ADGRG3: variants seen among roughly 807,000 people sequenced by gnomAD.
ADGRG3 encodes the protein G protein-coupled receptor 97.
A neutral mutation model predicts 54.3 loss-of-function variants in ADGRG3; 39 were observed. That is an observed-to-expected ratio of 0.72 (90% CI 0.56 to 0.94). The LOEUF is 0.94. ADGRG3 is among the 40% of genes least tolerant of loss of function. ADGRG3 has a pLI of 0.00. For missense variants in ADGRG3, 654 were observed against 694.6 expected (o/e 0.94, Z 0.66); for synonymous variants, 312 against 290.0 (o/e 1.08, Z -0.77).
At position 57,676,311 on chromosome 16, in the gene ADGRG3, C is replaced by T. The variant is rs1408760048; in HGVS notation, c.318C>T (p.Asp106=). Residue 106 remains aspartate (D), a synonymous_variant, in exon 3 of 12, where the codon GAC becomes GAT. Coordinates refer to ENST00000333493, the MANE Select transcript of ADGRG3 (RefSeq NM_170776.5). ...VQNLSTNTAE[D]FYFSLEPSQV... The stretch of plus-strand genomic sequence containing the variant: ...ACCTCAGCACCAACACTGCAGAAGA[C>T]TTCTATTTCTCTCTGGAGCCCTCTC... 6.2e-7 allele frequency: 1 copy of T among 1,614,206 alleles called. No individual in the cohort carries two copies. Among genetic ancestry groups the T allele is most frequent in the Non-Finnish European group, 8.5e-7 (1 of 1,180,012 alleles).
In ADGRG3 at chr16:57,680,284, T is replaced by C; in HGVS notation, c.687T>C (p.Ser229=). 6.2e-7 allele frequency: 1 copy of C among 1,608,916 alleles called. No individual in the cohort carries two copies. The highest frequency in any genetic ancestry group is 8.5e-7 in the Non-Finnish European group (1 of 1,177,804). The change falls in exon 7 of 12, where the codon TCT becomes TCC. Residue 229 remains serine (S), a synonymous_variant. Coordinates refer to ENST00000333493, the MANE Select transcript of ADGRG3 (RefSeq NM_170776.5). ...CTCCAGGGACCACTGGAGACTGGTC[T>C]TCTGAGGGCTGCTCCACGGAGGTCA... is the stretch of plus-strand genomic sequence containing the variant. The part of the protein sequence containing the change: ...DVTKGTTGDW[S]SEGCSTEVRP...
chr16:57,674,995 C>CAAAA (rs34536208), intron 2 of ADGRG3, among the ~76,000 whole-genome samples: 2,987 of 48,834 alleles, frequency 0.061, 293 homozygotes, highest in East Asian at 0.18. Flanking sequence ...GACTCCATCT[C>CAAAA]AAAAAAAAAA....
At chr16:57,680,100 T>C (rs986286442) in intron 6 of ADGRG3, among the ~76,000 whole-genome samples, 165 bp from the exon 7 acceptor site, 4 of 66,526 alleles carry the variant, frequency 6.0e-5, no homozygotes. Flanking sequence ...CCCTCCCCTC[T>C]CCTCTCCTCC....
At position 57,671,752 on chromosome 16, in the gene ADGRG3, G is replaced by A. The variant is rs1441251660; in HGVS notation, c.59-1569G>A. ...TGCACACTCAAGAATTCTTATGGCA[G>A]ATTGTGAAAAACAATGTCCACCAAG... On this transcript the variant is annotated intron_variant, in intron 1 of 11. Coordinates refer to ENST00000333493, the MANE Select transcript of ADGRG3 (RefSeq NM_170776.5). Among the ~76,000 whole-genome samples the A allele has an allele frequency of 2.0e-5, 3 of 152,194 alleles. No homozygotes were observed. The East Asian group carries it at 5.8e-4, about 29-fold the overall frequency.
rs372084138 is a variant in ADGRG3, at chr16:57,679,804, C to G, written c.628-12C>G. 20 of 1,611,450 alleles carry G rather than the reference C, an allele frequency of 1.2e-5. No individual in the cohort carries two copies. The African/African-American group carries it at 2.7e-4, about 22-fold the overall frequency. On this transcript the variant is annotated splice_polypyrimidine_tract_variant and intron_variant, in intron 5 of 11. Coordinates refer to ENST00000333493, the MANE Select transcript of ADGRG3 (RefSeq NM_170776.5). The stretch of plus-strand genomic sequence containing the variant: ...CTTTTCCTCTCTCCTGACTTCCACT[C>G]TTCGGTTTCAGAACATGACCCTCAC...
chr16:57,673,582 C>G (rs1022223098), intron 2 of ADGRG3, 114 bp downstream of exon 2: 3 of 976,436 alleles, frequency 3.1e-6, no homozygotes, highest in Non-Finnish European at 4.5e-6. Flanking sequence ...TCCCATCTGA[C>G]TCTTCCACCT....
chr16:57,670,299 T>C (rs2048130512), intron 1 of ADGRG3, among the ~76,000 whole-genome samples: 1 of 152,152 alleles, frequency 6.6e-6, no homozygotes, highest in African/African-American at 2.4e-5. Flanking sequence ...CTTCAAAGAA[T>C]AAACACAGAA....
In ADGRG3 at chr16:57,673,379, C is replaced by T. The variant is rs370479381; in HGVS notation, c.117C>T (p.Tyr39=). ...RNTCLGSNNM[Y]DIFNLNDKAL... Reference sequence around the variant, plus strand: ...CCTGCCTGGGGAGCAACAACATGTACGACATCTTCAACTTGAATGACAAGG... The same window carrying T: ...CCTGCCTGGGGAGCAACAACATGTATGACATCTTCAACTTGAATGACAAGG... Residue 39 remains tyrosine, a synonymous_variant, in exon 2 of 12, where the codon TAC becomes TAT. Coordinates refer to ENST00000333493, the MANE Select transcript of ADGRG3 (RefSeq NM_170776.5). The T allele has an allele frequency of 1.4e-5, 22 of 1,613,780 alleles. No individual in the cohort carries two copies. The highest frequency in any genetic ancestry group is 8.3e-5 in the Admixed American group (5 of 59,990).
Position 57,688,572 on chromosome 16 carries a change from G to A in ADGRG3, c.*111G>A, listed in dbSNP as rs1449143794. ...TTTCCTTCTCTGTACAATGTGGCTG[G>A]GGAGGGAGAGGATGGGACCAGGTTG... On this transcript the variant is annotated 3_prime_UTR_variant, in exon 12 of 12. Transcript: ENST00000333493. 2.7e-5 allele frequency: 20 copies of A among 745,732 alleles called. No individual in the cohort carries two copies. The highest frequency in any genetic ancestry group is 5.2e-5 in the African/African-American group (3 of 58,222). The allele number at this position is 745,732 out of a possible 1,614,324, so 46.2% of individuals were successfully genotyped here.
At chr16:57,679,075 A>G (rs2048315933) in intron 4 of ADGRG3, 102 bp from the exon 5 acceptor site, 3 of 1,412,138 alleles carry the variant, frequency 2.1e-6, no homozygotes, top group Non-Finnish European at 2.9e-6. Context: ...TCTGCCCTCC[A>G]AGCAAAGGCC....
intron 10 of ADGRG3, 94 bp from the exon 11 acceptor site, chr16:57,685,549 C>T (rs2048457712): frequency 8.0e-7 from 1 of 1,253,412 alleles, no homozygotes; most frequent in Admixed American, 1.8e-5. Flanking sequence ...GGGAGAGGCA[C>T]CTTCACAGAC....
chr16:57,672,753 G>A (rs1039936139), intron 1 of ADGRG3, among the ~76,000 whole-genome samples: 3 of 152,190 alleles, frequency 2.0e-5, no homozygotes, highest in African/African-American at 7.2e-5. Flanking sequence ...CATTTTGCTC[G>A]AGGGGCCTTG....
At chr16:57,676,433 C>A in intron 3 of ADGRG3, 95 bp downstream of exon 3, 1 of 1,213,618 alleles carries the variant, frequency 8.2e-7, no homozygotes, top group Non-Finnish European at 1.2e-6. Flanking sequence ...TGTGATATAA[C>A]TAGGGCTTGT....
upstream of ADGRG3, among the ~76,000 whole-genome samples, chr16:57,666,699 G>C (rs1422302066): frequency 6.6e-6 from 1 of 152,116 alleles, no homozygotes; most frequent in Non-Finnish European, 1.5e-5. Flanking sequence ...CTGGTCCCCA[G>C]GGGGCGTTTC....
intron 2 of ADGRG3, among the ~76,000 whole-genome samples, chr16:57,675,709 A>G (rs1399468548): frequency 6.6e-6 from 1 of 151,706 alleles, no homozygotes; most frequent in Non-Finnish European, 1.5e-5. Flanking sequence ...GAAAGAAGTC[A>G]GAAACAAAAG....
intron 11 of ADGRG3, among the ~76,000 whole-genome samples, chr16:57,687,487 G>A (rs1206194667): frequency 2.0e-5 from 3 of 152,184 alleles, no homozygotes; most frequent in African/African-American, 7.2e-5. Context: ...CCTGACCTCA[G>A]ATGATCTACC....
At chr16:57,688,243 T>C in intron 11 of ADGRG3, 109 bp from the exon 12 acceptor site, 1 of 755,842 alleles carries the variant, frequency 1.3e-6, no homozygotes, top group Non-Finnish European at 2.4e-6. Flanking sequence ...TCCCAGCAGT[T>C]CTTGAGTGGT....
In ADGRG3 at chr16:57,680,325, T is replaced by C. The variant is rs1292982543; in HGVS notation, c.728T>C (p.Val243Ala). The change falls in exon 7 of 12, where the codon GTG becomes GCG. Residue 243 changes from valine (V) to alanine (A), a missense_variant. Coordinates refer to ENST00000333493, the MANE Select transcript of ADGRG3 (RefSeq NM_170776.5). ...CSTEVRPEGT[V>A]CCCDHLTFFA... ...ACGGAGGTCAGACCTGAGGGGACCGTGTGCTGCTGTGACCACCTGACCTTT... is the reference window on the plus strand; with the variant it reads ...ACGGAGGTCAGACCTGAGGGGACCGCGTGCTGCTGTGACCACCTGACCTTT... 1 of 1,611,432 alleles carries C rather than the reference T, an allele frequency of 6.2e-7. No individual in the cohort carries two copies. The highest frequency in any genetic ancestry group is 1.7e-5 in the Admixed American group (1 of 59,772).
At chr16:57,668,620 G>T (rs2048094590) in intron 1 of ADGRG3, among the ~76,000 whole-genome samples, 1 of 152,074 alleles carries the variant, frequency 6.6e-6, no homozygotes, top group South Asian at 2.1e-4. Context: ...CTCAGGACTG[G>T]TCTCAGGTTC....
Sources: allele counts gnomAD v4.1 joint callset (sites outside exome capture counted in the v4.1 genomes callset), GRCh38; gene constraint gnomAD v4.1.1; transcripts MANE v1.5; gene names NCBI Gene and HGNC (gene_info 2026-07-23, HGNC 2026-07-21).